KCNT2: variants seen among roughly 807,000 people sequenced by gnomAD.
KCNT2 encodes the protein potassium channel subfamily T member 2.
A neutral mutation model predicts 153.8 loss-of-function variants in KCNT2; 67 were observed. The ratio of observed to expected loss-of-function variants is 0.44; its 90% CI spans 0.36 to 0.53. The LOEUF is 0.53. Ranked by LOEUF, KCNT2 falls within the 20% of genes least tolerant of loss-of-function variation. KCNT2 has a pLI of 0.00. For synonymous variants in KCNT2, 500 were observed against 458.8 expected, an observed-to-expected ratio of 1.09 and a Z score of -1.15; for missense variants, 975 against 1,354.8, an observed-to-expected ratio of 0.72 and a Z score of 4.40.
At chr1:196,373,783 T>C (rs1399323924) in intron 13 of KCNT2, among the ~76,000 whole-genome samples, 1 of 151,900 alleles carries the variant, frequency 6.6e-6, no homozygotes, top group African/African-American at 2.4e-5. Context: ...TGAAAATAAC[T>C]GTAATATCAA....
intron 1 of KCNT2, among the ~76,000 whole-genome samples, chr1:196,604,864 T>C (rs1928434): frequency 0.018 from 2,724 of 152,222 alleles, 84 homozygotes; most frequent in African/African-American, 0.062. Context: ...TACATGTACA[T>C]TATGCCAGTG....
chr1:196,541,822 A>G (rs1464956188), intron 1 of KCNT2, among the ~76,000 whole-genome samples: 4 of 152,080 alleles, frequency 2.6e-5, no homozygotes, highest in Non-Finnish European at 5.9e-5. Context: ...AAGTTGGGAG[A>G]GATAATGTCC....
chr1:196,509,275 A>G (rs1407989411), intron 1 of KCNT2, among the ~76,000 whole-genome samples: 9 of 152,034 alleles, frequency 5.9e-5, no homozygotes, highest in African/African-American at 1.9e-4. Flanking sequence ...CCGAAAAAAA[A>G]AAAAAAAAGG....
intron 22 of KCNT2, among the ~76,000 whole-genome samples, chr1:196,297,334 T>C (rs1348867278): frequency 6.6e-6 from 1 of 152,176 alleles, no homozygotes; most frequent in Admixed American, 6.5e-5. Flanking sequence ...AATATTTTGA[T>C]TTTAATGGTT....
chr1:196,265,270 C>G (rs1177064299), intron 25 of KCNT2, among the ~76,000 whole-genome samples: 3 of 152,160 alleles, frequency 2.0e-5, no homozygotes, highest in African/African-American at 7.2e-5. Flanking sequence ...GACAATTATG[C>G]TGTTTGAGTT....
At chr1:196,410,541 C>T (rs1672207292) in intron 12 of KCNT2, among the ~76,000 whole-genome samples, 1 of 151,130 alleles carries the variant, frequency 6.6e-6, no homozygotes, top group Non-Finnish European at 1.5e-5. Context: ...ACGTTGTGCA[C>T]ATGTACCCTA....
At chr1:196,566,674 G>A (rs576553792) in intron 1 of KCNT2, among the ~76,000 whole-genome samples, 1 of 152,158 alleles carries the variant, frequency 6.6e-6, no homozygotes, top group Non-Finnish European at 1.5e-5. Flanking sequence ...TGTTTTTATA[G>A]TTTTACCATG....
chr1:196,317,536 T>C (rs909204907), intron 20 of KCNT2, among the ~76,000 whole-genome samples: 3 of 151,820 alleles, frequency 2.0e-5, no homozygotes, highest in South Asian at 2.1e-4. Context: ...CTTATCATAA[T>C]TTTACATCAC....
At chr1:196,367,356 A>T (rs1228714763) in intron 14 of KCNT2, among the ~76,000 whole-genome samples, 1 of 152,154 alleles carries the variant, frequency 6.6e-6, no homozygotes, top group Non-Finnish European at 1.5e-5. Flanking sequence ...CTTCACATGT[A>T]AAACTTAGGT....
chr1:196,405,328 G>A (rs992656352), intron 12 of KCNT2, among the ~76,000 whole-genome samples: 6 of 151,098 alleles, frequency 4.0e-5, no homozygotes, highest in African/African-American at 1.5e-4. Context: ...AGGTAACTTG[G>A]GACACTACCA....
rs869080667 is a variant in KCNT2 at position 196,593,311 on chromosome 1, T to TAC, written c.95+14902_95+14903dup. ...CATATATATAATATATATATATATATACACACACACACACACACACACACA... is the reference window on the plus strand; with the variant it reads ...CATATATATAATATATATATATATATACACACACACACACACACACACACACA... On this transcript the variant is annotated intron_variant, in intron 1 of 27. Transcript: ENST00000294725. Among the ~76,000 whole-genome samples the TAC allele has an allele frequency of 5.8e-3, 818 of 140,196 alleles. 7 individuals are homozygous for TAC. The highest frequency in any genetic ancestry group is 0.017 in the African/African-American group (603 of 35,738). 92.0% of individuals were successfully genotyped at this position (140,196 alleles called of 152,430 possible). A position where few individuals can be genotyped will look rare whatever the true frequency, so the allele number is the denominator to read the frequency against.
intron 1 of KCNT2, among the ~76,000 whole-genome samples, chr1:196,541,842 T>C (rs1300955227): frequency 6.6e-6 from 1 of 152,046 alleles, no homozygotes; most frequent in East Asian, 1.9e-4. Context: ...CAATGCACCA[T>C]TATATATTGA....
At chr1:196,479,699 C>T (rs993006325) in intron 4 of KCNT2, among the ~76,000 whole-genome samples, 1 of 152,150 alleles carries the variant, frequency 6.6e-6, no homozygotes, top group African/African-American at 2.4e-5. Flanking sequence ...GCGTGAGCCA[C>T]CGTACCCAGC....
At chr1:196,351,765 G>A (rs994320963) in intron 14 of KCNT2, among the ~76,000 whole-genome samples, 1 of 152,112 alleles carries the variant, frequency 6.6e-6, no homozygotes, top group African/African-American at 2.4e-5. Flanking sequence ...GTGAGACAGG[G>A]CATCCCTGTC....
At chr1:196,429,553 G>A (rs201240480) in intron 9 of KCNT2, 24 bp downstream of exon 9, 108 of 1,515,862 alleles carry the variant, frequency 7.1e-5, no homozygotes, top group Non-Finnish European at 9.4e-5. Flanking sequence ...ACATTTCTAT[G>A]CAATATAAGA....
At chr1:196,497,151 T>A (rs1680321899) in intron 1 of KCNT2, among the ~76,000 whole-genome samples, 1 of 152,172 alleles carries the variant, frequency 6.6e-6, no homozygotes, top group South Asian at 2.1e-4. Context: ...GCCCTTTGTA[T>A]CCATTAAGTT....
chr1:196,260,375 G>A (rs1656894840), intron 25 of KCNT2, among the ~76,000 whole-genome samples: 1 of 151,708 alleles, frequency 6.6e-6, no homozygotes, highest in African/African-American at 2.4e-5. Context: ...GCTTTTCTTA[G>A]CCATGTGTAT....
chr1:196,315,609 C>T lies in KCNT2; in HGVS notation c.2483+283G>A, dbSNP rs540793359. 2.0e-5 allele frequency among the ~76,000 whole-genome samples: 3 copies of T among 151,678 alleles called. No homozygotes were observed. In the South Asian group the frequency reaches 6.2e-4, roughly 31 times the overall value. On this transcript the variant is annotated intron_variant, in intron 21 of 27. Coordinates refer to ENST00000294725, the MANE Select transcript of KCNT2 (RefSeq NM_198503.5). Reference sequence around the variant, plus strand: ...ATGGGCTGCTTGTCAAAACTCATGACTACTAGTACACATGATTTTCAAGAA... The same window carrying T: ...ATGGGCTGCTTGTCAAAACTCATGATTACTAGTACACATGATTTTCAAGAA...
intron 8 of KCNT2, among the ~76,000 whole-genome samples, chr1:196,462,206 A>G (rs1677212600): frequency 1.3e-5 from 2 of 151,594 alleles, no homozygotes; most frequent in African/African-American, 2.4e-5. Flanking sequence ...TTATTCCCCT[A>G]TTTACCATGC....
Sources: allele counts gnomAD v4.1 joint callset (sites outside exome capture counted in the v4.1 genomes callset), GRCh38; gene constraint gnomAD v4.1.1; transcripts MANE v1.5; gene names NCBI Gene and HGNC (gene_info 2026-07-23, HGNC 2026-07-21).